The following SPATA6L variants were observed in gnomAD, a reference collection of about 807,000 sequenced individuals.
The protein encoded by SPATA6L is spermatogenesis associated 6-like protein.
Under a neutral mutation model 49.2 loss-of-function variants are expected in SPATA6L, and 68 were observed. That is an observed-to-expected ratio of 1.38 (90% CI 1.14 to 1.69). The LOEUF (loss-of-function observed/expected upper bound fraction) is 1.69. Ranked by LOEUF, SPATA6L falls within the 40% of genes most tolerant of loss-of-function variation. The probability of loss-of-function intolerance (pLI) is 0.00; values close to 1 mark genes in which losing one functional copy is unlikely to be tolerated. For missense variants in SPATA6L, 668 were observed against 464.3 expected (o/e 1.44, Z -4.03); for synonymous variants, 198 against 165.7 (o/e 1.19, Z -1.50).
intron 3 of SPATA6L, among the ~76,000 whole-genome samples, chr9:4,654,793 T>C (rs1260873375): frequency 6.6e-6 from 1 of 152,138 alleles, no homozygotes; most frequent in Non-Finnish European, 1.5e-5. Flanking sequence ...TCTGCCTTGC[T>C]AGGGTCTCCG....
At chr9:4,609,017 C>T (rs374051419) in intron 9 of SPATA6L, among the ~76,000 whole-genome samples, 1 of 151,388 alleles carries the variant, frequency 6.6e-6, no homozygotes, top group African/African-American at 2.5e-5. Context: ...ACTACAAACA[C>T]CTCTACGCAA....
chr9:4,655,602 G>A (rs1329175118), intron 3 of SPATA6L, among the ~76,000 whole-genome samples: 1 of 151,288 alleles, frequency 6.6e-6, no homozygotes, highest in African/African-American at 2.4e-5. Flanking sequence ...AGTCTGGAGT[G>A]CAATGGCACG....
At chr9:4,654,677 A>T (rs1587476162) in intron 3 of SPATA6L, among the ~76,000 whole-genome samples, 1 of 152,140 alleles carries the variant, frequency 6.6e-6, no homozygotes, top group East Asian at 1.9e-4. Flanking sequence ...TTTCCCCTGG[A>T]GTTGGGCCAC....
At chr9:4,606,093 G>A (rs188815171) in intron 9 of SPATA6L, among the ~76,000 whole-genome samples, 19 of 152,218 alleles carry the variant, frequency 1.2e-4, no homozygotes, top group African/African-American at 4.6e-4. Flanking sequence ...CAAATACTGC[G>A]CTTTTCCTAC....
At chr9:4,604,613 T>A (rs932130259) in intron 10 of SPATA6L, among the ~76,000 whole-genome samples, 2 of 152,158 alleles carry the variant, frequency 1.3e-5, no homozygotes, top group African/African-American at 4.8e-5. Flanking sequence ...CCAATGACTT[T>A]GCAGAAAAGA....
At chr9:4,594,433 T>C (rs1052499901), downstream of SPATA6L, among the ~76,000 whole-genome samples, 1 of 152,154 alleles carries the variant, frequency 6.6e-6, no homozygotes, top group African/African-American at 2.4e-5. Flanking sequence ...AGGATGGTCT[T>C]GATCTCCTGA....
chr9:4,656,560 C>A (rs1375478667), intron 2 of SPATA6L, among the ~76,000 whole-genome samples: 2 of 152,144 alleles, frequency 1.3e-5, no homozygotes, highest in African/African-American at 4.8e-5. Flanking sequence ...AATCCAGTCA[C>A]ATAACATTTT....
At chr9:4,607,819 TAA>T (rs1029139277) in intron 9 of SPATA6L, among the ~76,000 whole-genome samples, 1 of 151,946 alleles carries the variant, frequency 6.6e-6, no homozygotes, top group African/African-American at 2.4e-5. Context: ...GTAAATGGAC[TAA>T]ATGCTCCAAT....
rs769784405 is a variant in SPATA6L at position 4,662,360 on chromosome 9, C to T, written c.40-324G>A. ...TTTGGTCCGGCCAGGTCCCGGGATC[C>T]GGGCCGCCAGCTGCGATGCCAAGTC... On this transcript the variant is annotated intron_variant, in intron 1 of 11. Transcript: ENST00000682582. This position sits in a 1 kb window ranked among gnomAD's most constrained non-coding sequence, Gnocchi z 4.9. 2 of 1,490,862 alleles carry T rather than the reference C, an allele frequency of 1.3e-6. No homozygotes were observed. Among genetic ancestry groups the T allele is most frequent in the South Asian group, 1.3e-5 (1 of 76,426 alleles). The allele number at this position is 1,490,862 out of a possible 1,614,324, so 92.4% of individuals were successfully genotyped here.
chr9:4,616,852 TG>T (rs1163692652), intron 9 of SPATA6L, among the ~76,000 whole-genome samples: 2 of 152,204 alleles, frequency 1.3e-5, no homozygotes, highest in African/African-American at 4.8e-5. Context: ...CCCAAACTGC[TG>T]GGATTATAGG....
chr9:4,642,573 T>C (rs1834267816), intron 3 of SPATA6L, among the ~76,000 whole-genome samples: 2 of 152,192 alleles, frequency 1.3e-5, no homozygotes, highest in Non-Finnish European at 2.9e-5. Flanking sequence ...GCACTTCACT[T>C]GGGCCCTTGA....
intron 3 of SPATA6L, among the ~76,000 whole-genome samples, chr9:4,645,341 A>C (rs951370821): frequency 5.9e-5 from 9 of 152,238 alleles, no homozygotes; most frequent in African/African-American, 2.2e-4. Flanking sequence ...TTATAACAGA[A>C]TACCTGAAAC....
chr9:4,662,295 G>C lies in SPATA6L; in HGVS notation c.40-259C>G. On this transcript the variant is annotated intron_variant, in intron 1 of 11. Coordinates refer to ENST00000682582, the MANE Select transcript of SPATA6L (RefSeq NM_001353486.2). This position sits in a 1 kb window ranked among gnomAD's most constrained non-coding sequence, Gnocchi z 4.9. The stretch of plus-strand genomic sequence containing the variant: ...CTCTCCCCGCCCCTCCGGGATGGTA[G>C]TGCGGAAGCGGAAGAGGCTGCAGGG... 7.0e-7 allele frequency: 1 copy of C among 1,435,114 alleles called. No homozygotes were observed. The highest frequency in any genetic ancestry group is 9.1e-7 in the Non-Finnish European group (1 of 1,099,780). The allele number at this position is 1,435,114 out of a possible 1,614,324, so 88.9% of individuals were successfully genotyped here.
At chr9:4,645,972 G>T (rs368995408) in intron 3 of SPATA6L, among the ~76,000 whole-genome samples, 2 of 152,108 alleles carry the variant, frequency 1.3e-5, no homozygotes, top group Non-Finnish European at 2.9e-5. Context: ...TGAAAATGAC[G>T]AATTATATAT....
At position 4,600,137 on chromosome 9, in the gene SPATA6L, A is replaced by C. The variant is rs1425309117; in HGVS notation, c.*674T>G. On this transcript the variant is annotated 3_prime_UTR_variant, in exon 12 of 12. Coordinates refer to ENST00000682582, the MANE Select transcript of SPATA6L (RefSeq NM_001353486.2). ...TGAGGAAGGTTTTGTTCCTCATCTA[A>C]ATTTACAAAGAATTGCTGGAACGAA... Among the ~76,000 whole-genome samples the C allele has an allele frequency of 6.6e-6, 1 of 152,198 alleles. No homozygotes were observed. Among genetic ancestry groups the C allele is most frequent in the Non-Finnish European group, 1.5e-5 (1 of 68,048 alleles).
intron 11 of SPATA6L, among the ~76,000 whole-genome samples, chr9:4,601,183 C>T (rs1405113376): frequency 1.3e-5 from 2 of 151,964 alleles, no homozygotes; most frequent in Non-Finnish European, 2.9e-5. Flanking sequence ...TCCTTCCTTC[C>T]TTCCCTTCCC....
intron 8 of SPATA6L, 142 bp from the exon 9 acceptor site, chr9:4,618,252 G>A (rs1828473501): frequency 3.2e-6 from 2 of 624,312 alleles, no homozygotes; most frequent in Non-Finnish European, 5.3e-6. Flanking sequence ...AAATAGAAGA[G>A]GATCTGGAGA....
chr9:4,622,028 T>C (rs972793895), intron 7 of SPATA6L, among the ~76,000 whole-genome samples: 5 of 152,046 alleles, frequency 3.3e-5, no homozygotes, highest in Admixed American at 3.3e-4. Flanking sequence ...CTGATCACCA[T>C]CAATCTCCTG....
intron 9 of SPATA6L, chr9:4,617,410 G>C (rs1048645794): frequency 6.6e-6 from 1 of 152,268 alleles, no homozygotes; most frequent in East Asian, 1.9e-4. Flanking sequence ...TACCCTACTA[G>C]AGAGTGCTGT....
Sources: allele counts gnomAD v4.1 joint callset (sites outside exome capture counted in the v4.1 genomes callset), GRCh38; gene constraint gnomAD v4.1.1; non-coding constraint Gnocchi (gnomAD v3.1); transcripts MANE v1.5; gene names NCBI Gene and HGNC (gene_info 2026-07-23, HGNC 2026-07-21).